Variants in DEFB110 observed in about 807,000 individuals in gnomAD.
The protein encoded by DEFB110 is beta-defensin 110.
A neutral mutation model predicts 2.5 loss-of-function variants in DEFB110; 4 were observed. That is an observed-to-expected ratio of 1.60 (90% CI 0.79 to 3.66). DEFB110 has a LOEUF of 3.66. DEFB110 is among the 30% of genes most tolerant of loss of function. The pLI is 0.01. For missense variants in DEFB110, 94 were observed against 75.4 expected (o/e 1.25, Z -0.91); for synonymous variants, 29 against 21.8 (o/e 1.33, Z -0.92).
At chr6:50,012,612 GC>G (rs1417898254) in intron 1 of DEFB110, among the ~76,000 whole-genome samples, 1 of 151,830 alleles carries the variant, frequency 6.6e-6, no homozygotes, top group Non-Finnish European at 1.5e-5. Flanking sequence ...AAATTGTTTG[GC>G]CCATAATTTT....
chr6:50,017,902 T>C (rs1325040099), downstream of DEFB110, among the ~76,000 whole-genome samples: 1 of 151,946 alleles, frequency 6.6e-6, no homozygotes. Flanking sequence ...ATATGTACTG[T>C]TTAATACATT....
downstream of DEFB110, among the ~76,000 whole-genome samples, chr6:50,016,652 A>T (rs1774321615): frequency 6.6e-6 from 1 of 151,814 alleles, no homozygotes; most frequent in Non-Finnish European, 1.5e-5. Context: ...CAGGCTGAAG[A>T]ACTTCATCAA....
chr6:50,017,964 G>T (rs948483150), downstream of DEFB110, among the ~76,000 whole-genome samples: 31 of 151,656 alleles, frequency 2.0e-4, no homozygotes, highest in African/African-American at 7.3e-4. Context: ...TATTTTGAGG[G>T]GTATGAAGAG....
chr6:50,012,925 A>G (rs1453527839), intron 1 of DEFB110, among the ~76,000 whole-genome samples: 3 of 151,962 alleles, frequency 2.0e-5, no homozygotes, highest in African/African-American at 4.8e-5. Context: ...GGCAATTCTG[A>G]GATATAAGCA....
chr6:50,010,744 A>C (rs1774213165), intron 1 of DEFB110, among the ~76,000 whole-genome samples: 1 of 151,646 alleles, frequency 6.6e-6, no homozygotes, highest in Non-Finnish European at 1.5e-5. Context: ...TAAAGTCAGG[A>C]AGACAATGAT....
downstream of DEFB110, chr6:50,018,840 T>C: frequency 7.0e-7 from 1 of 1,423,900 alleles, no homozygotes; most frequent in Non-Finnish European, 9.1e-7. Flanking sequence ...ATATGATCAC[T>C]TCTGAATGGT....
intron 1 of DEFB110, among the ~76,000 whole-genome samples, chr6:50,020,994 ATTCT>A (rs1439301992): frequency 2.0e-5 from 3 of 151,806 alleles, no homozygotes; most frequent in Non-Finnish European, 4.4e-5. Context: ...TCTCTTATTC[ATTCT>A]TTGTCTTATT....
downstream of DEFB110, among the ~76,000 whole-genome samples, chr6:50,015,104 A>G (rs1774294963): frequency 6.6e-6 from 1 of 151,806 alleles, no homozygotes. Context: ...CTCAGACAAG[A>G]AATCTTGGAG....
At chr6:50,014,746 A>G (rs558071045), downstream of DEFB110, among the ~76,000 whole-genome samples, 125 of 151,828 alleles carry the variant, frequency 8.2e-4, 1 homozygote, top group South Asian at 4.4e-3. Context: ...CAATGATCCA[A>G]TTGAAGATTC....
At chr6:50,021,534 G>A (rs1774418308) in intron 1 of DEFB110, among the ~76,000 whole-genome samples, 2 of 152,066 alleles carry the variant, frequency 1.3e-5, no homozygotes, top group South Asian at 4.1e-4. Context: ...TTTTTGTTAT[G>A]ATATTATTTT....
rs145542651 is a variant in DEFB110, at chr6:50,019,081, C to G, written c.100G>C (p.Glu34Gln). Residue 34 changes from glutamate (E) to glutamine (Q), a missense_variant, in exon 2 of 2, where the codon GAG becomes CAG. By Grantham distance (29) the Glu-to-Gln change is conservative (BLOSUM62 2). Coordinates refer to ENST00000371148, the MANE Select transcript of DEFB110 (RefSeq NM_001037497.2). ...CATTGACCATTACCTATTCTGCACT[C>G]TCTCCTCAAGTCCAAGCTACCATAC... The part of the protein sequence containing the change: ...PEYGSLDLRR[E>Q]CRIGNGQCKN... The G allele has an allele frequency of 2.0e-5, 33 of 1,613,098 alleles. No individual in the cohort carries two copies. The African/African-American group carries it at 3.3e-4, about 16-fold the overall frequency.
At chr6:50,016,098 T>C (rs905753350), downstream of DEFB110, among the ~76,000 whole-genome samples, 1 of 151,830 alleles carries the variant, frequency 6.6e-6, no homozygotes, top group South Asian at 2.1e-4. Flanking sequence ...CATTGCTAAT[T>C]GGAATTAGAT....
intron 1 of DEFB110, among the ~76,000 whole-genome samples, chr6:50,010,726 A>G (rs914575566): frequency 6.6e-6 from 1 of 151,598 alleles, no homozygotes; most frequent in Non-Finnish European, 1.5e-5. Flanking sequence ...GACATGTTTG[A>G]TATAATTTAA....
exon 2 of DEFB110, chr6:50,009,182 C>T: frequency 1.2e-6 from 2 of 1,611,120 alleles, no homozygotes; most frequent in Admixed American, 3.4e-5. Context: ...TATCCATAAT[C>T]ATACTCAACA....
intron 1 of DEFB110, among the ~76,000 whole-genome samples, chr6:50,020,967 G>A (rs1204822488): frequency 6.6e-6 from 1 of 151,986 alleles, no homozygotes; most frequent in Non-Finnish European, 1.5e-5. Context: ...AATGCACCTT[G>A]GACTGACCCC....
chr6:50,015,174 G>C (rs1328830014), downstream of DEFB110, among the ~76,000 whole-genome samples: 1 of 151,650 alleles, frequency 6.6e-6, no homozygotes, highest in South Asian at 2.1e-4. Context: ...AATCTAGCTA[G>C]CTCTACATTT....
At chr6:50,017,328 T>A (rs1188141097), downstream of DEFB110, among the ~76,000 whole-genome samples, 2 of 151,836 alleles carry the variant, frequency 1.3e-5, no homozygotes, top group Admixed American at 6.6e-5. Context: ...TCTCACTGAT[T>A]TTTTTATTGT....
chr6:50,015,124 A>T (rs937767294), downstream of DEFB110, among the ~76,000 whole-genome samples: 11 of 151,622 alleles, frequency 7.3e-5, no homozygotes, highest in African/African-American at 2.2e-4. Context: ...GTCATTATTG[A>T]CCCCTCTGTC....
chr6:50,016,371 G>A (rs1444292079), downstream of DEFB110, among the ~76,000 whole-genome samples: 1 of 151,676 alleles, frequency 6.6e-6, no homozygotes, highest in East Asian at 1.9e-4. Flanking sequence ...AAATATGAAC[G>A]AAAATACATA....
Sources: gnomAD v4.1 joint callset for allele counts (sites outside exome capture counted in the v4.1 genomes callset) on GRCh38, gnomAD v4.1.1 for gene constraint, MANE v1.5 for transcripts, NCBI Gene and HGNC (gene_info 2026-07-23, HGNC 2026-07-21) for gene names.